Variants in NTNG2 observed in about 807,000 individuals in gnomAD.
The protein encoded by NTNG2 is netrin-G2.
In NTNG2, 15 loss-of-function variants were observed where a neutral mutation model predicts 47.6. That is an observed-to-expected ratio of 0.32 (90% CI 0.21 to 0.49). The LOEUF (loss-of-function observed/expected upper bound fraction) is 0.49, where lower values mean the gene tolerates loss of function less well. Ranked by LOEUF, NTNG2 falls within the 20% of genes least tolerant of loss-of-function variation. The pLI is 0.99. For missense variants in NTNG2, 578 were observed against 764.6 expected (o/e 0.76, Z 2.88); for synonymous variants, 307 against 324.6 (o/e 0.95, Z 0.58).
intron 3 of NTNG2, among the ~76,000 whole-genome samples, chr9:132,214,085 C>G (rs1374146477): frequency 6.6e-6 from 1 of 152,236 alleles, no homozygotes; most frequent in African/African-American, 2.4e-5. Flanking sequence ...TCCTCCCTGC[C>G]CAGCTCCAGC....
At position 132,215,081 on chromosome 9, in the gene NTNG2, G is replaced by GC. The variant is rs1250671320; in HGVS notation, c.858-11768_858-11767insC. On this transcript the variant is annotated intron_variant, in intron 3 of 7. Transcript: ENST00000393229. The surrounding 1 kb of genome is among the most constrained non-coding windows in gnomAD (Gnocchi z 4.2). ...TTTTAATTTTTTTGTAGAGATTGGG[G>GC]GGGGGGGTCTCACTTTCTTGCCCAG... Among the ~76,000 whole-genome samples the GC allele has an allele frequency of 1.9e-4, 28 of 149,208 alleles. No homozygotes were observed. In the East Asian group the frequency reaches 5.8e-3, roughly 31 times the overall value.
Position 132,180,903 on chromosome 9 carries a change from G to GCA in NTNG2, c.213+13872_213+13873dup, listed in dbSNP as rs371583453. 3.4e-4 allele frequency among the ~76,000 whole-genome samples: 52 copies of GCA among 151,910 alleles called. No homozygotes were observed. Among genetic ancestry groups the GCA allele is most frequent in the South Asian group, 1.5e-3 (7 of 4,802 alleles). On this transcript the variant is annotated intron_variant, in intron 2 of 7. Coordinates refer to ENST00000393229, the MANE Select transcript of NTNG2 (RefSeq NM_032536.4). This position sits in a 1 kb window ranked among gnomAD's most constrained non-coding sequence, Gnocchi z 4.2. Reference sequence around the variant, plus strand: ...GTGCAAACACTGGGCTCATGCACAGGCACACACACACACATATAAGGTTGC... The same window carrying GCA: ...GTGCAAACACTGGGCTCATGCACAGGCACACACACACACACATATAAGGTTGC...
Position 132,174,933 on chromosome 9 carries a change from G to A in NTNG2, c.213+7889G>A, listed in dbSNP as rs549586434. ...CAAGACTCTGTCTCAAAAAAAAAAAGTGTATTTTTATTTTTATCCTTTTTA... is the reference window on the plus strand; with the variant it reads ...CAAGACTCTGTCTCAAAAAAAAAAAATGTATTTTTATTTTTATCCTTTTTA... On this transcript the variant is annotated intron_variant, in intron 2 of 7. Transcript: ENST00000393229. 5.3e-3 allele frequency among the ~76,000 whole-genome samples: 778 copies of A among 145,584 alleles called. 8 individuals carry two copies. Among genetic ancestry groups the A allele is most frequent in the African/African-American group, 0.02 (745 of 37,072 alleles).
Position 132,226,817 on chromosome 9 carries a change from C to T in NTNG2, c.858-32C>T, listed in dbSNP as rs373758539. ...CCAGGCCAGGCTGCCCACAAGCTCT[C>T]TGACATCTCTGCCCTCTCGGTGTCT... On this transcript the variant is annotated intron_variant, in intron 3 of 7. Coordinates refer to ENST00000393229, the MANE Select transcript of NTNG2 (RefSeq NM_032536.4). The surrounding 1 kb of genome is among the most constrained non-coding windows in gnomAD (Gnocchi z 4.8). 7.1e-6 allele frequency: 11 copies of T among 1,542,958 alleles called. No homozygotes were observed. The African/African-American group carries it at 1.4e-4, about 19-fold the overall frequency.
chr9:132,207,795 T>G (rs917818505), intron 3 of NTNG2, among the ~76,000 whole-genome samples: 1 of 152,030 alleles, frequency 6.6e-6, no homozygotes. Context: ...TGCCCACAGG[T>G]GCACGGTGAG....
In NTNG2 at chr9:132,162,877, T is replaced by C. The variant is rs1281122912; in HGVS notation, c.-484+638T>C. Among the ~76,000 whole-genome samples, 1 of 150,474 alleles carries C rather than the reference T, an allele frequency of 6.6e-6. No individual in the cohort carries two copies. Among genetic ancestry groups the C allele is most frequent in the East Asian group, 2.0e-4 (1 of 5,076 alleles). On this transcript the variant is annotated intron_variant, in intron 1 of 7. Coordinates refer to ENST00000393229, the MANE Select transcript of NTNG2 (RefSeq NM_032536.4). This position sits in a 1 kb window ranked among gnomAD's most constrained non-coding sequence, Gnocchi z 4.6. Reference sequence around the variant, plus strand: ...GCACTGGTTTGGGGCCGGCGTGGAGTCGAACCTGGAACTGAGCGGCGCGCA... The same window carrying C: ...GCACTGGTTTGGGGCCGGCGTGGAGCCGAACCTGGAACTGAGCGGCGCGCA...
rs1839333118 is a variant in NTNG2, at chr9:132,208,410, G to A, written c.857+9801G>A. Among the ~76,000 whole-genome samples the A allele has an allele frequency of 6.6e-6, 1 of 152,200 alleles. No individual in the cohort carries two copies. The highest frequency in any genetic ancestry group is 2.4e-5 in the African/African-American group (1 of 41,444). On this transcript the variant is annotated intron_variant, in intron 3 of 7. Coordinates refer to ENST00000393229, the MANE Select transcript of NTNG2 (RefSeq NM_032536.4). The surrounding 1 kb of genome is among the most constrained non-coding windows in gnomAD (Gnocchi z 4.0). The stretch of plus-strand genomic sequence containing the variant: ...GTTTGGTAGGAGGGCTACAGGCAGG[G>A]GAGAGGTGTGATCTGATTTCCGGTG...
At chr9:132,184,580 C>G (rs1837196368) in intron 2 of NTNG2, among the ~76,000 whole-genome samples, 1 of 152,176 alleles carries the variant, frequency 6.6e-6, no homozygotes. Flanking sequence ...CCTGAAAGCT[C>G]CGCGGGGTGG....
At chr9:132,212,773 C>A (rs1477706740) in intron 3 of NTNG2, among the ~76,000 whole-genome samples, 2 of 152,218 alleles carry the variant, frequency 1.3e-5, no homozygotes, top group Non-Finnish European at 2.9e-5. Flanking sequence ...CTACCATGTT[C>A]CTTTCACCAT....
At chr9:132,232,174 A>G (rs1050067997) in intron 5 of NTNG2, 1 of 152,262 alleles carries the variant, frequency 6.6e-6, no homozygotes, top group African/African-American at 2.4e-5. Flanking sequence ...TTATCTCCCA[A>G]TGGTGCTTCT....
At position 132,163,573 on chromosome 9, in the gene NTNG2, C is replaced by A. The variant is rs1311589922; in HGVS notation, c.-484+1334C>A. On this transcript the variant is annotated intron_variant, in intron 1 of 7. Coordinates refer to ENST00000393229, the MANE Select transcript of NTNG2 (RefSeq NM_032536.4). The surrounding 1 kb of genome is among the most constrained non-coding windows in gnomAD (Gnocchi z 7.2). Reference sequence around the variant, plus strand: ...CACTCTCCCCTGAAAGCAGATTTCACCCCCCTCTGCCGCCCCTGCCGAGGA... The same window carrying A: ...CACTCTCCCCTGAAAGCAGATTTCAACCCCCTCTGCCGCCCCTGCCGAGGA... 6.6e-6 allele frequency among the ~76,000 whole-genome samples: 1 copy of A among 152,274 alleles called. No individual in the cohort carries two copies. The highest frequency in any genetic ancestry group is 2.1e-4 in the South Asian group (1 of 4,824).
chr9:132,206,014 G>A (rs1366802778), intron 3 of NTNG2, among the ~76,000 whole-genome samples: 1 of 152,130 alleles, frequency 6.6e-6, no homozygotes, highest in African/African-American at 2.4e-5. Flanking sequence ...TGTGACCCTG[G>A]GCAAGTTGTC....
In NTNG2 at chr9:132,180,912, C is replaced by G. The variant is rs2131357303; in HGVS notation, c.213+13868C>G. Among the ~76,000 whole-genome samples the G allele has an allele frequency of 6.6e-6, 1 of 152,340 alleles. No homozygotes were observed. Among genetic ancestry groups the G allele is most frequent in the Non-Finnish European group, 1.5e-5 (1 of 68,018 alleles). On this transcript the variant is annotated intron_variant, in intron 2 of 7. Transcript: ENST00000393229. The surrounding 1 kb of genome is among the most constrained non-coding windows in gnomAD (Gnocchi z 4.2). Reference sequence around the variant, plus strand: ...CTGGGCTCATGCACAGGCACACACACACACATATAAGGTTGCAAACACTTT... The same window carrying G: ...CTGGGCTCATGCACAGGCACACACAGACACATATAAGGTTGCAAACACTTT...
chr9:132,216,798 C>A (rs1840027105), intron 3 of NTNG2, among the ~76,000 whole-genome samples: 1 of 152,146 alleles, frequency 6.6e-6, no homozygotes, highest in African/African-American at 2.4e-5. Context: ...AGCAGGAGCC[C>A]AGACTGCCCG....
chr9:132,212,194 G>A (rs1233205423), intron 3 of NTNG2, among the ~76,000 whole-genome samples: 2 of 152,118 alleles, frequency 1.3e-5, no homozygotes, highest in African/African-American at 4.8e-5. Flanking sequence ...CTTCCCTCGG[G>A]GGTGTTGGGC....
At chr9:132,235,754 C>T (rs1841577371) in intron 5 of NTNG2, among the ~76,000 whole-genome samples, 1 of 152,204 alleles carries the variant, frequency 6.6e-6, no homozygotes, top group Non-Finnish European at 1.5e-5. Context: ...GGGCCTGAGA[C>T]CCCGGGGAAG....
intron 3 of NTNG2, among the ~76,000 whole-genome samples, chr9:132,220,851 G>A (rs1230118034): frequency 6.6e-6 from 1 of 151,842 alleles, no homozygotes; most frequent in Non-Finnish European, 1.5e-5. Flanking sequence ...CTTTTTACGT[G>A]GGTCTCCCAT....
intron 3 of NTNG2, among the ~76,000 whole-genome samples, chr9:132,205,608 C>A (rs543693803): frequency 4.6e-5 from 7 of 152,112 alleles, no homozygotes; most frequent in Admixed American, 1.3e-4. Flanking sequence ...TGGCTGGGCG[C>A]GGTGGCTCAT....
rs766024770 is a variant in NTNG2 at position 132,166,877 on chromosome 9, T to C, written c.46T>C (p.Ser16Pro). The change falls in exon 2 of 8, where the codon TCT (serine) becomes CCT (proline). Residue 16 changes from serine (S) to proline (P), a missense_variant. Transcript: ENST00000393229. The part of the protein sequence containing the change: ...ALFLHCLPLA[S>P]GDYDICKSWV... ...CTTCCTGCACTGCCTCCCTCTGGCC[T>C]CTGGGGACTATGACATCTGCAAATC... The C allele has an allele frequency of 6.2e-7, 1 of 1,614,220 alleles. No individual in the cohort carries two copies. Among genetic ancestry groups the C allele is most frequent in the East Asian group, 2.2e-5 (1 of 44,876 alleles).
Sources: gnomAD v4.1 joint callset for allele counts (sites outside exome capture counted in the v4.1 genomes callset) on GRCh38, gnomAD v4.1.1 for gene constraint, Gnocchi (gnomAD v3.1) non-coding constraint, MANE v1.5 for transcripts, NCBI Gene and HGNC (gene_info 2026-07-23, HGNC 2026-07-21) for gene names.